RHOT1: variants seen among roughly 807,000 people sequenced by gnomAD.
The protein encoded by RHOT1 is mitochondrial Rho GTPase 1.
Under a neutral mutation model 95.3 loss-of-function variants are expected in RHOT1, and 27 were observed. The ratio of observed to expected loss-of-function variants is 0.28; its 90% CI spans 0.21 to 0.39. The LOEUF (loss-of-function observed/expected upper bound fraction) is 0.39, where lower values mean the gene tolerates loss of function less well. Ranked by LOEUF, RHOT1 falls within the 10% of genes least tolerant of loss-of-function variation. RHOT1 has a pLI of 1.00. For missense variants in RHOT1, 578 were observed against 786.7 expected (o/e 0.73, Z 3.17); for synonymous variants, 227 against 263.5 (o/e 0.86, Z 1.34).
chr17:32,223,349 T>C (rs895466461), intron 19 of RHOT1, among the ~76,000 whole-genome samples: 5 of 152,146 alleles, frequency 3.3e-5, no homozygotes, highest in Non-Finnish European at 5.9e-5. Context: ...TCTGTTTAAC[T>C]TAGTTATAAA....
chr17:32,206,704 C>T (rs1356445508), intron 16 of RHOT1, among the ~76,000 whole-genome samples: 4 of 152,058 alleles, frequency 2.6e-5, no homozygotes, highest in Non-Finnish European at 5.9e-5. Flanking sequence ...CCGCCCACCT[C>T]GGCCTCCCAA....
chr17:32,156,778 G>A lies in RHOT1; in HGVS notation c.37+14049G>A, dbSNP rs567824669. Among the ~76,000 whole-genome samples, 4 of 152,364 alleles carry A rather than the reference G, an allele frequency of 2.6e-5. No individual in the cohort carries two copies. The South Asian group carries it at 8.3e-4, about 32-fold the overall frequency. ...GTCATACTGTTAATGGCAAAAGCCG[G>A]TTCCTGAATCCAGATTTTCTGGCCC... On this transcript the variant is annotated intron_variant, in intron 1 of 19. Coordinates refer to ENST00000545287, the MANE Select transcript of RHOT1 (RefSeq NM_001033566.3).
intron 19 of RHOT1, among the ~76,000 whole-genome samples, chr17:32,216,781 A>G (rs2038503477): frequency 1.3e-5 from 2 of 152,166 alleles, no homozygotes; most frequent in Admixed American, 1.3e-4. Context: ...CCTTATGAAA[A>G]GGATAGGTTT....
intron 19 of RHOT1, among the ~76,000 whole-genome samples, chr17:32,223,479 G>A (rs562234695): frequency 2.0e-5 from 3 of 149,300 alleles, no homozygotes; most frequent in South Asian, 2.1e-4. Flanking sequence ...CAGTGGCACC[G>A]TGTCGGCTCA....
intron 19 of RHOT1, chr17:32,221,079 C>T: frequency 1.0e-6 from 1 of 983,324 alleles, no homozygotes; most frequent in Non-Finnish European, 1.2e-6. Flanking sequence ...AGAAATGAGC[C>T]AGAAGCGGCC....
At chr17:32,146,303 G>A (rs970830109) in intron 1 of RHOT1, among the ~76,000 whole-genome samples, 2 of 152,028 alleles carry the variant, frequency 1.3e-5, no homozygotes, top group African/African-American at 4.8e-5. Flanking sequence ...GAACAGACCT[G>A]GCACAAAAGA....
At chr17:32,168,301 C>A (rs1172819702) in intron 1 of RHOT1, among the ~76,000 whole-genome samples, 1 of 151,926 alleles carries the variant, frequency 6.6e-6, no homozygotes, top group Non-Finnish European at 1.5e-5. Flanking sequence ...AGAGTTTCAC[C>A]ATGTCACCCC....
At chr17:32,211,319 T>G in intron 19 of RHOT1, 81 bp downstream of exon 19, 1 of 1,312,840 alleles carries the variant, frequency 7.6e-7, no homozygotes, top group Non-Finnish European at 1.0e-6. Context: ...ATTATACAGA[T>G]ACTCACTACA....
rs74319924 is a variant in RHOT1 at position 32,213,405 on chromosome 17, G to A, written c.1862+2167G>A. ...TACCCAGAGGTTGGAGAGAGAGAGA[G>A]TGCTAAACTGAGCAAGCCCTATAGT... On this transcript the variant is annotated intron_variant, in intron 19 of 19. Transcript: ENST00000545287. Among the ~76,000 whole-genome samples the A allele has an allele frequency of 4.9e-4, 74 of 152,280 alleles. 1 individual carries two copies. In the East Asian group the frequency reaches 0.013, roughly 27 times the overall value.
At chr17:32,186,489 G>A (rs976927860) in intron 8 of RHOT1, among the ~76,000 whole-genome samples, 7 of 150,520 alleles carry the variant, frequency 4.7e-5, no homozygotes, top group African/African-American at 1.2e-4. Context: ...TCAGCCTCCC[G>A]GGTAGCTGGA....
At position 32,201,015 on chromosome 17, in the gene RHOT1, C is replaced by T; in HGVS notation, c.1160C>T (p.Ser387Leu). ...GAATATTTGGGCTATCTAGGCTATT[C>T]AATATTGACTGAGCAAGAGTCTCAA... ...CLEYLGYLGY[S>L]ILTEQESQAS... The change falls in exon 14 of 20, where the codon TCA (serine) becomes TTA (leucine). Residue 387 changes from serine to leucine, a missense_variant. Physicochemically the swap from Ser to Leu is moderately radical, Grantham distance 145 (BLOSUM62 -2). This residue lies in a region of RHOT1 where 296 missense variants were observed against 338.5 expected (regional missense o/e 0.87). Coordinates refer to ENST00000545287, the MANE Select transcript of RHOT1 (RefSeq NM_001033566.3). The T allele has an allele frequency of 6.2e-7, 1 of 1,611,620 alleles. No individual in the cohort carries two copies. The highest frequency in any genetic ancestry group is 1.3e-5 in the African/African-American group (1 of 74,868).
intron 18 of RHOT1, among the ~76,000 whole-genome samples, chr17:32,210,176 T>A (rs1229913834): frequency 6.6e-6 from 1 of 152,142 alleles, no homozygotes; most frequent in Non-Finnish European, 1.5e-5. Flanking sequence ...CAGGAAGTGA[T>A]GTCATTGATT....
At chr17:32,172,346 T>G (rs1567675052) in intron 2 of RHOT1, among the ~76,000 whole-genome samples, 4 of 152,242 alleles carry the variant, frequency 2.6e-5, no homozygotes, top group Admixed American at 2.6e-4. Context: ...ACTCTGGGTA[T>G]AACACCTAAA....
chr17:32,208,355 T>C (rs1386007170), intron 18 of RHOT1, 46 bp downstream of exon 18: 1 of 1,476,074 alleles, frequency 6.8e-7, no homozygotes, highest in Admixed American at 1.7e-5. Context: ...GTTCATAACA[T>C]TGCATGCCAT....
chr17:32,186,608 G>A (rs570526018), intron 8 of RHOT1, among the ~76,000 whole-genome samples: 204 of 151,862 alleles, frequency 1.3e-3, no homozygotes, highest in African/African-American at 3.2e-3. Flanking sequence ...CTCGTGATCC[G>A]CCCGCCTCGG....
intron 6 of RHOT1, 128 bp from the exon 7 acceptor site, chr17:32,182,629 A>G (rs2035732333): frequency 3.3e-6 from 2 of 611,956 alleles, no homozygotes; most frequent in Non-Finnish European, 2.8e-6. Flanking sequence ...ACCTGACTGT[A>G]GAGAAAGGTT....
intron 1 of RHOT1, among the ~76,000 whole-genome samples, chr17:32,146,899 ATTTTTTTTTTTTT>A (rs71144808): frequency 1.0e-5 from 1 of 98,028 alleles, no homozygotes; most frequent in Admixed American, 1.1e-4. Flanking sequence ...ATTTTTGTAA[ATTTTTTTTTTTTT>A]TTTTTTTTTT....
chr17:32,211,364 T>C, intron 19 of RHOT1, 126 bp downstream of exon 19: 1 of 784,022 alleles, frequency 1.3e-6, no homozygotes, highest in African/African-American at 1.7e-5. Flanking sequence ...TAACTTCCAC[T>C]AAAATTCTCA....
At position 32,151,450 on chromosome 17, in the gene RHOT1, A is replaced by G. The variant is rs2032276605; in HGVS notation, c.37+8721A>G. On this transcript the variant is annotated intron_variant, in intron 1 of 19. Coordinates refer to ENST00000545287, the MANE Select transcript of RHOT1 (RefSeq NM_001033566.3). ...GTGGTATCACCTTCATGTTGGAATC[A>G]TTCCTGTTGATGAAAGAGTCTAGCT... 6 of 629,140 alleles carry G rather than the reference A, an allele frequency of 9.5e-6. No individual in the cohort carries two copies. The South Asian group carries it at 9.7e-5, about 10-fold the overall frequency. 39.0% of individuals were successfully genotyped at this position (629,140 alleles called of 1,614,324 possible).
Sources: gnomAD v4.1 joint callset for allele counts (sites outside exome capture counted in the v4.1 genomes callset) on GRCh38, gnomAD v4.1.1 for gene constraint, gnomAD v4.1.1 regional missense constraint, MANE v1.5 for transcripts, NCBI Gene and HGNC (gene_info 2026-07-23, HGNC 2026-07-21) for gene names.